CDCA2: variants seen among roughly 807,000 people sequenced by gnomAD.
The protein encoded by CDCA2 is cell division cycle-associated protein 2.
CDCA2 carries 44 observed loss-of-function variants against 67.0 expected under a neutral mutation model. That is an observed-to-expected ratio of 0.66 (90% CI 0.52 to 0.84). The LOEUF (loss-of-function observed/expected upper bound fraction) is 0.84. Ranked by LOEUF, CDCA2 falls within the 40% of genes least tolerant of loss-of-function variation. The pLI is 0.00. For synonymous variants in CDCA2, 447 were observed against 418.7 expected (o/e 1.07, Z -0.82); for missense variants, 1,253 against 1,203.2 (o/e 1.04, Z -0.61).
At chr8:25,495,571 C>T (rs762877818) in intron 13 of CDCA2, among the ~76,000 whole-genome samples, 8 of 152,084 alleles carry the variant, frequency 5.3e-5, no homozygotes, top group Admixed American at 3.3e-4. Context: ...CCTGCCACCA[C>T]GCCCGGCTAA....
intron 13 of CDCA2, among the ~76,000 whole-genome samples, chr8:25,488,890 C>CAGAT (rs1563276214): frequency 6.6e-6 from 1 of 152,124 alleles, no homozygotes; most frequent in African/African-American, 2.4e-5. Context: ...GCGTCTTCTT[C>CAGAT]ATCTTCTTGT....
Position 25,460,494 on chromosome 8 carries a change from T to C in CDCA2, c.172T>C (p.Ser58Pro), listed in dbSNP as rs569539939. The C allele has an allele frequency of 9.3e-6, 15 of 1,614,228 alleles. No individual in the cohort carries two copies. Among genetic ancestry groups the C allele is most frequent in the Middle Eastern group, 1.6e-4 (1 of 6,062 alleles). Residue 58 changes from serine (S) to proline (P), a missense_variant, in exon 3 of 15, where the codon TCC becomes CCC. Ser to Pro is a moderately conservative substitution (Grantham distance 74). Transcript: ENST00000330560. ...PDTFKSPLNF[S>P]TVTVEQLGIT... is the part of the protein sequence containing the mutation. Reference sequence around the variant, plus strand: ...TACTTTTAAATCACCTTTGAACTTTTCCACAGTAACCGTAGAGCAATTGGG... The same window carrying C: ...TACTTTTAAATCACCTTTGAACTTTCCCACAGTAACCGTAGAGCAATTGGG...
intron 3 of CDCA2, among the ~76,000 whole-genome samples, chr8:25,461,469 AG>A (rs1191467300): frequency 6.6e-6 from 1 of 152,216 alleles, no homozygotes; most frequent in Non-Finnish European, 1.5e-5. Flanking sequence ...GCACTAGACC[AG>A]GTAATACATA....
At chr8:25,476,433 T>C (rs960167754) in intron 7 of CDCA2, among the ~76,000 whole-genome samples, 5 of 152,190 alleles carry the variant, frequency 3.3e-5, no homozygotes, top group Non-Finnish European at 7.4e-5. Context: ...ATAAGAGATT[T>C]TGGGAGCAAA....
chr8:25,497,491 TTAAAAAATAAAAAA>T (rs906302750), intron 13 of CDCA2, among the ~76,000 whole-genome samples: 22 of 52,416 alleles, frequency 4.2e-4, no homozygotes, highest in African/African-American at 1.6e-3. Context: ...TGTGGAATCT[TTAAAAAATAAAAAA>T]TAAAAAAAAA....
At chr8:25,473,933 G>A (rs1803252810) in intron 7 of CDCA2, among the ~76,000 whole-genome samples, 1 of 152,118 alleles carries the variant, frequency 6.6e-6, no homozygotes, top group South Asian at 2.1e-4. Flanking sequence ...ATTCTGACTT[G>A]CTCCTTTCCC....
intron 3 of CDCA2, among the ~76,000 whole-genome samples, chr8:25,461,759 A>G (rs534917473): frequency 6.6e-6 from 1 of 152,354 alleles, no homozygotes; most frequent in African/African-American, 2.4e-5. Context: ...ATCTGTGTGT[A>G]GGAAATAAGA....
At chr8:25,482,844 G>C (rs1168188694) in intron 8 of CDCA2, among the ~76,000 whole-genome samples, 1 of 152,030 alleles carries the variant, frequency 6.6e-6, no homozygotes, top group Non-Finnish European at 1.5e-5. Context: ...CTCCAGCCTG[G>C]GTGATAGAGC....
At chr8:25,478,829 T>G (rs1803448335) in intron 7 of CDCA2, among the ~76,000 whole-genome samples, 1 of 151,648 alleles carries the variant, frequency 6.6e-6, no homozygotes. Context: ...TCATACTGTA[T>G]TCCTCTCTTG....
chr8:25,463,592 C>T (rs1028050649), intron 4 of CDCA2, among the ~76,000 whole-genome samples: 11 of 151,962 alleles, frequency 7.2e-5, no homozygotes, highest in Admixed American at 1.3e-4. Flanking sequence ...AAAGTGTACT[C>T]CTTCTACTGA....
chr8:25,487,884 T>C (rs1278129743), intron 12 of CDCA2, among the ~76,000 whole-genome samples: 1 of 152,180 alleles, frequency 6.6e-6, no homozygotes. Context: ...CAAAATTTGT[T>C]TGGGATCTAT....
At chr8:25,460,146 C>A in intron 1 of CDCA2, 94 bp from the exon 2 acceptor site, 1 of 1,188,392 alleles carries the variant, frequency 8.4e-7, no homozygotes, top group Non-Finnish European at 1.3e-6. Context: ...CCAGTATGGA[C>A]TGTATTACAA....
At chr8:25,468,828 G>C (rs1015954465) in intron 6 of CDCA2, among the ~76,000 whole-genome samples, 3 of 152,124 alleles carry the variant, frequency 2.0e-5, no homozygotes, top group African/African-American at 7.2e-5. Context: ...TGGAGATTCT[G>C]TGTGGGGTGT....
In CDCA2 at chr8:25,507,709, A is replaced by G; in HGVS notation, c.3043A>G (p.Ile1015Val). 6.2e-7 allele frequency: 1 copy of G among 1,611,878 alleles called. No individual in the cohort carries two copies. The change falls in exon 15 of 15, where the codon ATT becomes GTT. Residue 1015 changes from isoleucine to valine, a missense_variant. Coordinates refer to ENST00000330560, the MANE Select transcript of CDCA2 (RefSeq NM_152562.4). ...GESSLTALER[I>V]EHNGERKQ is the part of the protein sequence containing the mutation. ...GAGCTCTCTGACTGCCTTGGAAAGG[A>G]TTGAACATAATGGAGAAAGAAAGCA...
chr8:25,484,212 T>TATGA lies in CDCA2; in HGVS notation c.1365+3_1365+4insTGAA, dbSNP rs1234095241. 6.2e-7 allele frequency: 1 copy of TATGA among 1,613,616 alleles called. No individual in the cohort carries two copies. Among genetic ancestry groups the TATGA allele is most frequent in the African/African-American group, 1.3e-5 (1 of 75,052 alleles). The stretch of plus-strand genomic sequence containing the variant: ...TTTGATGACAAGGGGGAGAATCTTG[T>TATGA]AAGTATGAAAAGCGTGGAACAAGCT... On this transcript the variant is annotated splice_region_variant and intron_variant, in intron 10 of 14. Coordinates refer to ENST00000330560, the MANE Select transcript of CDCA2 (RefSeq NM_152562.4).
intron 14 of CDCA2, among the ~76,000 whole-genome samples, chr8:25,504,837 G>C (rs1258612072): frequency 6.6e-6 from 1 of 152,106 alleles, no homozygotes; most frequent in Non-Finnish European, 1.5e-5. Context: ...CCATCACCTA[G>C]TTTTATGATG....
chr8:25,478,769 G>C (rs1803446136), intron 7 of CDCA2, among the ~76,000 whole-genome samples: 1 of 151,798 alleles, frequency 6.6e-6, no homozygotes, highest in African/African-American at 2.4e-5. Flanking sequence ...TCAGGTGTCT[G>C]CTCAGGAACT....
At chr8:25,495,667 A>G (rs1233762068) in intron 13 of CDCA2, among the ~76,000 whole-genome samples, 5 of 151,994 alleles carry the variant, frequency 3.3e-5, no homozygotes, top group African/African-American at 1.2e-4. Context: ...TGATCCGCCC[A>G]CCTCGGCCTC....
At chr8:25,475,098 T>G (rs1367567292) in intron 7 of CDCA2, among the ~76,000 whole-genome samples, 1 of 152,206 alleles carries the variant, frequency 6.6e-6, no homozygotes, top group East Asian at 1.9e-4. Context: ...ATTGCTGACC[T>G]ACAGTTGCTC....
Sources: gnomAD v4.1 joint callset for allele counts (sites outside exome capture counted in the v4.1 genomes callset) on GRCh38, gnomAD v4.1.1 for gene constraint, MANE v1.5 for transcripts, NCBI Gene and HGNC (gene_info 2026-07-23, HGNC 2026-07-21) for gene names.